SUPT16H: variants seen among roughly 807,000 people sequenced by gnomAD.
SUPT16H encodes FACT complex subunit SPT16.
A neutral mutation model predicts 136.2 loss-of-function variants in SUPT16H; 24 were observed. The ratio of observed to expected loss-of-function variants is 0.18; its 90% CI spans 0.13 to 0.25. The LOEUF is 0.25. Ranked by LOEUF, SUPT16H falls within the 10% of genes least tolerant of loss-of-function variation. The pLI, the probability that SUPT16H is intolerant of heterozygous loss-of-function variation, is 1.00. For missense variants in SUPT16H, 623 were observed against 1,270.2 expected, an observed-to-expected ratio of 0.49 and a Z score of 7.74; for synonymous variants, 415 against 428.2, an observed-to-expected ratio of 0.97 and a Z score of 0.38.
At chr14:21,366,999 G>T (rs1886685444) in intron 7 of SUPT16H, among the ~76,000 whole-genome samples, 1 of 151,972 alleles carries the variant, frequency 6.6e-6, no homozygotes, top group Non-Finnish European at 1.5e-5. Flanking sequence ...GGAGTGCAGT[G>T]GCGTGATCCT....
At chr14:21,358,606 A>C (rs546883540) in intron 19 of SUPT16H, among the ~76,000 whole-genome samples, 179 bp from the exon 20 acceptor site, 6 of 152,204 alleles carry the variant, frequency 3.9e-5, no homozygotes, top group Non-Finnish European at 8.8e-5. Context: ...GGTTTGCTGC[A>C]CAGATCATCC....
Position 21,368,255 on chromosome 14 carries a change from C to T in SUPT16H, c.955+14G>A, listed in dbSNP as rs767137146. 1.4e-5 allele frequency: 23 copies of T among 1,600,868 alleles called. No homozygotes were observed. Among genetic ancestry groups the T allele is most frequent in the Non-Finnish European group, 1.9e-5 (22 of 1,173,752 alleles). ...TTACACAACTTTCAAACCTCCTTTT[C>T]TAAGGCACCTCACCATGTCTTAATT... On this transcript the variant is annotated intron_variant, in intron 7 of 25. Transcript: ENST00000216297.
At chr14:21,358,544 G>T in intron 19 of SUPT16H, 117 bp from the exon 20 acceptor site, 1 of 687,622 alleles carries the variant, frequency 1.5e-6, no homozygotes, top group Non-Finnish European at 2.5e-6. Flanking sequence ...AAGTTCAGGA[G>T]TGCATGGGCA....
intron 11 of SUPT16H, 49 bp downstream of exon 11, chr14:21,363,389 C>A: frequency 6.2e-7 from 1 of 1,607,822 alleles, no homozygotes; most frequent in East Asian, 2.2e-5. Context: ...TATTATTTAA[C>A]TTCTTTATAT....
chr14:21,355,200 AG>A (rs1886400474), intron 22 of SUPT16H, among the ~76,000 whole-genome samples: 1 of 152,108 alleles, frequency 6.6e-6, no homozygotes, highest in Non-Finnish European at 1.5e-5. Flanking sequence ...GTTAAGAAAT[AG>A]GGACAATTTT....
intron 19 of SUPT16H, 60 bp from the exon 20 acceptor site, chr14:21,358,487 A>G (rs1886481493): frequency 8.1e-7 from 1 of 1,229,398 alleles, no homozygotes; most frequent in Non-Finnish European, 1.2e-6. Flanking sequence ...CCTCCCCTCA[A>G]AAAGTCTGAA....
intron 7 of SUPT16H, 122 bp from the exon 8 acceptor site, chr14:21,366,651 A>G: frequency 1.5e-6 from 1 of 648,116 alleles, no homozygotes; most frequent in Non-Finnish European, 2.3e-6. Flanking sequence ...TAAACAGTCC[A>G]CTCACTTTTT....
intron 20 of SUPT16H, 87 bp from the exon 21 acceptor site, chr14:21,358,089 C>A: frequency 8.2e-7 from 1 of 1,220,898 alleles, no homozygotes; most frequent in Non-Finnish European, 1.2e-6. Context: ...TCTCCCCATT[C>A]CAAACAGCTC....
chr14:21,358,013 C>T lies in SUPT16H; in HGVS notation c.2415-11G>A, dbSNP rs759104135. The T allele has an allele frequency of 2.5e-6, 4 of 1,612,596 alleles. No individual in the cohort carries two copies. Among genetic ancestry groups the T allele is most frequent in the Non-Finnish European group, 2.5e-6 (3 of 1,179,130 alleles). On this transcript the variant is annotated splice_polypyrimidine_tract_variant and intron_variant, in intron 20 of 25. Coordinates refer to ENST00000216297, the MANE Select transcript of SUPT16H (RefSeq NM_007192.4). ...GGAGCTCCGTTAAATCTGGAAGAGACAAACTTTTAAGACTGAGCTCATCAC... is the reference window on the plus strand; with the variant it reads ...GGAGCTCCGTTAAATCTGGAAGAGATAAACTTTTAAGACTGAGCTCATCAC...
intron 7 of SUPT16H, among the ~76,000 whole-genome samples, chr14:21,367,762 T>A (rs1886702908): frequency 6.6e-6 from 1 of 152,240 alleles, no homozygotes; most frequent in Non-Finnish European, 1.5e-5. Flanking sequence ...TAAACATCAA[T>A]GTAAACCACA....
intron 1 of SUPT16H, 66 bp from the exon 2 acceptor site, chr14:21,373,496 A>G (rs1886832518): frequency 3.4e-6 from 4 of 1,162,128 alleles, no homozygotes; most frequent in Non-Finnish European, 5.2e-6. Flanking sequence ...AGCCTTCAAT[A>G]TTTATCTAGG....
intron 24 of SUPT16H, 57 bp from the exon 25 acceptor site, chr14:21,353,622 A>G: frequency 6.2e-7 from 1 of 1,604,304 alleles, no homozygotes; most frequent in Non-Finnish European, 8.5e-7. Flanking sequence ...GGAACGACAG[A>G]GTTCTTAGTC....
chr14:21,377,340 T>C (rs1352805777), intron 1 of SUPT16H, among the ~76,000 whole-genome samples: 2 of 152,196 alleles, frequency 1.3e-5, no homozygotes, highest in Admixed American at 6.5e-5. Flanking sequence ...AGGCTATGTA[T>C]GTATACTGGA....
intron 3 of SUPT16H, 137 bp from the exon 4 acceptor site, chr14:21,370,625 T>C (rs1886765738): frequency 2.2e-6 from 2 of 914,894 alleles, no homozygotes; most frequent in Non-Finnish European, 3.2e-6. Context: ...CTTTTTACTT[T>C]TAAAGAGACA....
intron 3 of SUPT16H, 137 bp downstream of exon 3, chr14:21,371,737 G>A (rs980224668): frequency 7.3e-6 from 7 of 961,374 alleles, no homozygotes; most frequent in East Asian, 5.2e-5. Flanking sequence ...CAATGAAGAC[G>A]TGACAGAACT....
In SUPT16H at chr14:21,366,925, TA is replaced by T. The variant is rs1310927446; in HGVS notation, c.956-397del. Among the ~76,000 whole-genome samples the T allele has an allele frequency of 6.6e-5, 10 of 151,996 alleles. No homozygotes were observed. In the South Asian group the frequency reaches 2.1e-3, roughly 32 times the overall value. ...TCCCAAAGTGCAGGAATTATAGGTG[TA>T]AATCACTCCACCTGGCCCCATTCTT... On this transcript the variant is annotated intron_variant, in intron 7 of 25. Transcript: ENST00000216297.
chr14:21,383,514 T>C, intron 1 of SUPT16H: 1 of 630,848 alleles, frequency 1.6e-6, no homozygotes, highest in Non-Finnish European at 2.9e-6. Context: ...ACAGAGCGAG[T>C]GCGTGAGAAC....
At chr14:21,360,671 C>G in intron 17 of SUPT16H, 138 bp from the exon 18 acceptor site, 2 of 1,214,816 alleles carry the variant, frequency 1.6e-6, no homozygotes, top group Admixed American at 2.3e-5. Context: ...TCTGGCCACA[C>G]AGCAGTGTAA....
At chr14:21,362,982 T>A in intron 13 of SUPT16H, 35 bp from the exon 14 acceptor site, 1 of 1,613,452 alleles carries the variant, frequency 6.2e-7, no homozygotes. Flanking sequence ...GAGAAATTTC[T>A]GCAGTCCCAC....
Sources: allele counts gnomAD v4.1 joint callset (sites outside exome capture counted in the v4.1 genomes callset), GRCh38; gene constraint gnomAD v4.1.1; transcripts MANE v1.5; gene names NCBI Gene and HGNC (gene_info 2026-07-23, HGNC 2026-07-21).